ACTR1B: variants seen among roughly 807,000 people sequenced by gnomAD.
ACTR1B encodes the protein beta-centractin.
Under a neutral mutation model 49.4 loss-of-function variants are expected in ACTR1B, and 34 were observed. The ratio of observed to expected loss-of-function variants is 0.69; its 90% CI spans 0.52 to 0.92. The LOEUF is 0.92. ACTR1B is among the 40% of genes least tolerant of loss of function. ACTR1B has a pLI of 0.00. For synonymous variants in ACTR1B, 207 were observed against 207.8 expected (o/e 1.00, Z 0.03); for missense variants, 471 against 522.4 (o/e 0.90, Z 0.96).
Position 97,656,867 on chromosome 2 carries a change from T to C in ACTR1B, c.1122A>G (p.Lys374=). The change falls in exon 11 of 11, where the codon AAA becomes AAG. Residue 374 remains lysine (K), a synonymous_variant. Coordinates refer to ENST00000289228, the MANE Select transcript of ACTR1B (RefSeq NM_005735.4). ...EEDGSRAIHR[K]TF ...CCGCCCTCCTTGGGCACTAGAAAGT[T>C]TTGCGATGAATAGCACGGGAGCCAT... The C allele has an allele frequency of 6.3e-7, 1 of 1,583,244 alleles. No homozygotes were observed. Among genetic ancestry groups the C allele is most frequent in the Non-Finnish European group, 8.6e-7 (1 of 1,164,070 alleles).
At chr2:97,663,758 G>A (rs1465316501) in intron 1 of ACTR1B, 85 bp downstream of exon 1, 2 of 881,296 alleles carry the variant, frequency 2.3e-6, no homozygotes, top group Non-Finnish European at 2.9e-6. Flanking sequence ...AGGACGCGCC[G>A]AGGCGGGCGG....
chr2:97,659,777 T>G lies in ACTR1B; in HGVS notation c.190-300A>C. ...CTTCCCCATTCTCACTGCCGGCACA[T>G]CCCCCACATTCTCCTCACACTCTGC... On this transcript the variant is annotated intron_variant, in intron 3 of 10. Coordinates refer to ENST00000289228, the MANE Select transcript of ACTR1B (RefSeq NM_005735.4). The surrounding 1 kb of genome is among the most constrained non-coding windows in gnomAD (Gnocchi z 4.0). 2.2e-6 allele frequency: 1 copy of G among 446,990 alleles called. No individual in the cohort carries two copies. Among genetic ancestry groups the G allele is most frequent in the Non-Finnish European group, 4.1e-6 (1 of 245,936 alleles). The allele number at this position is 446,990 out of a possible 1,614,324, so 27.7% of individuals were successfully genotyped here.
Position 97,660,648 on chromosome 2 carries a change from T to C in ACTR1B, c.114-2A>G. 6.2e-7 allele frequency: 1 copy of C among 1,613,956 alleles called. No homozygotes were observed. The highest frequency in any genetic ancestry group is 8.5e-7 in the Non-Finnish European group (1 of 1,179,910). On this transcript the variant is annotated splice_acceptor_variant, in intron 2 of 10. Transcript: ENST00000289228. LOFTEE classifies it high-confidence loss of function. ...CGCATGTGCTTCGGCCGCCCGACAC[T>C]GTTAGGACGGATAACGTCAGCAAGG...
chr2:97,661,828 G>A, intron 2 of ACTR1B, 54 bp downstream of exon 2: 1 of 1,535,044 alleles, frequency 6.5e-7, no homozygotes, highest in Non-Finnish European at 8.9e-7. Context: ...GAAGGCCAAT[G>A]TTCTTACAGA....
intron 8 of ACTR1B, 99 bp downstream of exon 8, chr2:97,657,844 A>C (rs1325420487): frequency 7.0e-7 from 1 of 1,436,970 alleles, no homozygotes; most frequent in Non-Finnish European, 9.4e-7. Context: ...AGCACCACCA[A>C]AAAGCCAACA....
At chr2:97,662,549 TAGG>T (rs1254264081) in intron 1 of ACTR1B, among the ~76,000 whole-genome samples, 4 of 152,030 alleles carry the variant, frequency 2.6e-5, no homozygotes, top group Non-Finnish European at 2.9e-5. Context: ...CAGAGACTAC[TAGG>T]AGAACTTGGT....
At position 97,658,643 on chromosome 2, in the gene ACTR1B, C is replaced by T. The variant is rs1382371910; in HGVS notation, c.441G>A (p.Leu147=). 4 of 1,613,578 alleles carry T rather than the reference C, an allele frequency of 2.5e-6. No individual in the cohort carries two copies. Among genetic ancestry groups the T allele is most frequent in the East Asian group, 2.2e-5 (1 of 44,882 alleles). The change falls in exon 6 of 11, where the codon CTG becomes CTA. Residue 147 remains leucine, a splice_region_variant and synonymous_variant. Coordinates refer to ENST00000289228, the MANE Select transcript of ACTR1B (RefSeq NM_005735.4). This position sits in a 1 kb window ranked among gnomAD's most constrained non-coding sequence, Gnocchi z 5.9. The stretch of plus-strand genomic sequence containing the variant: ...CTCCTGTCGTGCGTCCTGTTGCGTA[C>T]CTGTCACCAGGTCAGCATCCCCTCA... ...LFISMQAVLS[L]YATGRTTGVV... is the part of the protein sequence containing the mutation.
chr2:97,658,582 C>T lies in ACTR1B; in HGVS notation c.502G>A (p.Val168Met), dbSNP rs768596495. Residue 168 changes from valine to methionine, a missense_variant, in exon 6 of 11, where the codon GTG (valine) becomes ATG (methionine). By Grantham distance (21) the Val-to-Met change is conservative. Coordinates refer to ENST00000289228, the MANE Select transcript of ACTR1B (RefSeq NM_005735.4). This position sits in a 1 kb window ranked among gnomAD's most constrained non-coding sequence, Gnocchi z 5.9. ...ATGGCAAAGCCCTCATAGATGGGCA[C>T]AGCATGAGTGACCCCGTCCCCTGAG... is the stretch of plus-strand genomic sequence containing the variant. The part of the protein sequence containing the change: ...LDSGDGVTHA[V>M]PIYEGFAMPH... The T allele has an allele frequency of 6.2e-7, 1 of 1,614,068 alleles. No individual in the cohort carries two copies. The highest frequency in any genetic ancestry group is 8.5e-7 in the Non-Finnish European group (1 of 1,180,020).
intron 2 of ACTR1B, 128 bp from the exon 3 acceptor site, chr2:97,660,774 G>A: frequency 1.1e-6 from 1 of 894,884 alleles, no homozygotes; most frequent in Non-Finnish European, 1.8e-6. Flanking sequence ...GTGGCTGGGG[G>A]GCACAGGTTG....
At position 97,662,006 on chromosome 2, in the gene ACTR1B, G is replaced by A. The variant is rs1485997631; in HGVS notation, c.49-60C>T. The A allele has an allele frequency of 2.0e-5, 30 of 1,518,634 alleles. No individual in the cohort carries two copies. In the South Asian group the frequency reaches 2.4e-4, roughly 12 times the overall value. The allele number at this position is 1,518,634 out of a possible 1,614,324, so 94.1% of individuals were successfully genotyped here. Reference sequence around the variant, plus strand: ...CACCACCAGATGAAGCCAGTCCCCCGCAATGGAGAGAGCTGGCTGCCCCGT... The same window carrying A: ...CACCACCAGATGAAGCCAGTCCCCCACAATGGAGAGAGCTGGCTGCCCCGT... On this transcript the variant is annotated intron_variant, in intron 1 of 10. Coordinates refer to ENST00000289228, the MANE Select transcript of ACTR1B (RefSeq NM_005735.4).
chr2:97,661,964 G>T lies in ACTR1B; in HGVS notation c.49-18C>A. ...CCCGAACCCTGCAAGGAAAAACAAA[G>T]TTGAGCTGCCCACATGCACCACCAG... On this transcript the variant is annotated intron_variant, in intron 1 of 10. Transcript: ENST00000289228. 1 of 1,576,486 alleles carries T rather than the reference G, an allele frequency of 6.3e-7. No homozygotes were observed. Among genetic ancestry groups the T allele is most frequent in the Admixed American group, 1.8e-5 (1 of 55,050 alleles).
chr2:97,657,631 T>G (rs1033254268), intron 8 of ACTR1B, 122 bp from the exon 9 acceptor site: 3 of 1,084,888 alleles, frequency 2.8e-6, no homozygotes, highest in African/African-American at 1.6e-5. Context: ...CTTCCCAGGA[T>G]GAAGGGCAAG....
Position 97,658,048 on chromosome 2 carries a change from CCT to C in ACTR1B, c.818_819del (p.Glu273GlyfsTer4). 6.2e-7 allele frequency: 1 copy of C among 1,614,148 alleles called. No homozygotes were observed. The highest frequency in any genetic ancestry group is 8.5e-7 in the Non-Finnish European group (1 of 1,180,040). On this transcript the variant is annotated frameshift_variant, in exon 8 of 11. Transcript: ENST00000289228. LOFTEE classifies it high-confidence loss of function. The surrounding 1 kb of genome is among the most constrained non-coding windows in gnomAD (Gnocchi z 5.9). ...GCGAAGGCCACCACCTCATGGAGCC[CCT>C]CACTCTCATCCCCGACAAGGTCCGG... Reference protein sequence around the residue: ...FQPDLVGDESEGLHEVVAFAI... With the variant: ...FQPDLVGDESXGLHEVVAFAI...
chr2:97,663,816 G>C, intron 1 of ACTR1B, 27 bp downstream of exon 1: 1 of 1,363,848 alleles, frequency 7.3e-7, no homozygotes, highest in Non-Finnish European at 9.6e-7. Flanking sequence ...CGGGGCGCCC[G>C]CCCTCCCCCT....
Position 97,664,008 on chromosome 2 carries a change from C to A in ACTR1B, c.-118G>T, listed in dbSNP as rs369043931. ...ACGCGGCGCCGCTGCCCTCCCTCCC[C>A]GAGCCTGCAGCCTACGCGAGCCCCG... On this transcript the variant is annotated 5_prime_UTR_variant, in exon 1 of 11. Transcript: ENST00000289228. 20 of 533,488 alleles carry A rather than the reference C, an allele frequency of 3.7e-5. No homozygotes were observed. The East Asian group carries it at 4.8e-4, about 13-fold the overall frequency. 33.0% of individuals were successfully genotyped at this position (533,488 alleles called of 1,614,324 possible). A position where few individuals can be genotyped will look rare whatever the true frequency, so the allele number is the denominator to read the frequency against.
Position 97,657,363 on chromosome 2 carries a change from G to A in ACTR1B, c.987+85C>T, listed in dbSNP as rs559996960. 1.0e-4 allele frequency: 156 copies of A among 1,517,502 alleles called. 1 individual carries two copies. In the East Asian group the frequency reaches 2.1e-3, roughly 21 times the overall value. 94.0% of individuals were successfully genotyped at this position (1,517,502 alleles called of 1,614,324 possible). A position where few individuals can be genotyped will look rare whatever the true frequency, so the allele number is the denominator to read the frequency against. On this transcript the variant is annotated intron_variant, in intron 9 of 10. Transcript: ENST00000289228. ...ACTAGGTGGACGTGAGCTGGTGAGCGGGTCTGGGGGCAGCATTCAACCTTC... is the reference window on the plus strand; with the variant it reads ...ACTAGGTGGACGTGAGCTGGTGAGCAGGTCTGGGGGCAGCATTCAACCTTC...
Position 97,658,810 on chromosome 2 carries a change from C to T in ACTR1B, c.440+69G>A. Reference sequence around the variant, plus strand: ...GCTGTTTTTCCAGGGAAGTCAGACCCTGGTCATGGCAAGCAGGACGGCACA... The same window carrying T: ...GCTGTTTTTCCAGGGAAGTCAGACCTTGGTCATGGCAAGCAGGACGGCACA... On this transcript the variant is annotated intron_variant, in intron 5 of 10. Transcript: ENST00000289228. This position sits in a 1 kb window ranked among gnomAD's most constrained non-coding sequence, Gnocchi z 5.9. The T allele has an allele frequency of 6.2e-7, 1 of 1,609,032 alleles. No individual in the cohort carries two copies. Among genetic ancestry groups the T allele is most frequent in the Non-Finnish European group, 8.5e-7 (1 of 1,176,572 alleles).
chr2:97,657,829 C>G (rs1045845106), intron 8 of ACTR1B, 114 bp downstream of exon 8: 1 of 1,310,978 alleles, frequency 7.6e-7, no homozygotes, highest in African/African-American at 1.5e-5. Flanking sequence ...AAAAAATGTT[C>G]ATTGAGCACC....
Position 97,656,684 on chromosome 2 carries a change from T to C in ACTR1B, c.*174A>G. 1 of 613,852 alleles carries C rather than the reference T, an allele frequency of 1.6e-6. No individual in the cohort carries two copies. Among genetic ancestry groups the C allele is most frequent in the Non-Finnish European group, 2.9e-6 (1 of 344,712 alleles). The allele number at this position is 613,852 out of a possible 1,614,324, so 38.0% of individuals were successfully genotyped here. ...CATGCAGCTCAATGTTACTTGTGTG[T>C]GCATGTCCTGTGTAGAGGGGAAGGC... On this transcript the variant is annotated 3_prime_UTR_variant, in exon 11 of 11. Coordinates refer to ENST00000289228, the MANE Select transcript of ACTR1B (RefSeq NM_005735.4).
Sources: gnomAD v4.1 joint callset for allele counts (sites outside exome capture counted in the v4.1 genomes callset) on GRCh38, gnomAD v4.1.1 for gene constraint, Gnocchi (gnomAD v3.1) non-coding constraint, MANE v1.5 for transcripts, NCBI Gene and HGNC (gene_info 2026-07-23, HGNC 2026-07-21) for gene names.